The following KCNMB2 variants were observed in gnomAD, a reference collection of about 807,000 sequenced individuals.
The protein encoded by KCNMB2 is potassium calcium-activated channel subfamily M regulatory beta subunit 2.
In KCNMB2, 9 loss-of-function variants were observed where a neutral mutation model predicts 24.5. The observed-to-expected ratio is 0.37, with a 90% confidence interval of 0.22 to 0.64. The LOEUF is 0.64. Ranked by LOEUF, KCNMB2 falls within the 30% of genes least tolerant of loss-of-function variation. The pLI, the probability that KCNMB2 is intolerant of heterozygous loss-of-function variation, is 0.63. For synonymous variants in KCNMB2, 109 were observed against 104.4 expected, an observed-to-expected ratio of 1.04 and a Z score of -0.27; for missense variants, 226 against 284.3, an observed-to-expected ratio of 0.79 and a Z score of 1.47.
intron 1 of KCNMB2, chr3:178,558,950 C>G (rs1292527113): frequency 1.3e-5 from 2 of 152,224 alleles, no homozygotes; most frequent in Admixed American, 1.3e-4. Context: ...AGCAACAAAG[C>G]GGCGAGTGGT....
At chr3:178,604,872 C>T (rs939656075) in intron 1 of KCNMB2, among the ~76,000 whole-genome samples, 6 of 152,186 alleles carry the variant, frequency 3.9e-5, no homozygotes, top group African/African-American at 1.2e-4. Context: ...ATTAGGCAAT[C>T]TGTAAGTTCC....
chr3:178,805,472 A>G (rs1455140832), intron 1 of KCNMB2, among the ~76,000 whole-genome samples: 1 of 152,136 alleles, frequency 6.6e-6, no homozygotes, highest in Non-Finnish European at 1.5e-5. Flanking sequence ...AGGGCCTATA[A>G]CCAATCACTT....
intron 1 of KCNMB2, among the ~76,000 whole-genome samples, chr3:178,608,058 G>T (rs1221466125): frequency 6.6e-6 from 1 of 152,132 alleles, no homozygotes; most frequent in Non-Finnish European, 1.5e-5. Flanking sequence ...ATACATGAGA[G>T]GAAGTAAAAT....
chr3:178,712,259 G>A (rs533653100), intron 1 of KCNMB2, among the ~76,000 whole-genome samples: 1 of 152,268 alleles, frequency 6.6e-6, no homozygotes, highest in South Asian at 2.1e-4. Context: ...TAGATGTTGT[G>A]TATAATGGGA....
intron 1 of KCNMB2, among the ~76,000 whole-genome samples, chr3:178,554,868 ACATG>A (rs1436383939): frequency 2.0e-5 from 3 of 152,348 alleles, no homozygotes; most frequent in Admixed American, 1.3e-4. Flanking sequence ...TTTTGTAAGG[ACATG>A]GGTCTCTGCT....
chr3:178,799,623 A>G (rs1173345562), intron 1 of KCNMB2, among the ~76,000 whole-genome samples: 1 of 152,184 alleles, frequency 6.6e-6, no homozygotes, highest in Admixed American at 6.5e-5. Context: ...TACAGATTCA[A>G]TGCAATCCCT....
chr3:178,636,278 A>C (rs1015073869), intron 1 of KCNMB2, among the ~76,000 whole-genome samples: 2 of 152,220 alleles, frequency 1.3e-5, no homozygotes, highest in Non-Finnish European at 2.9e-5. Context: ...GAGGGATAAA[A>C]GAATACAAAT....
intron 1 of KCNMB2, among the ~76,000 whole-genome samples, chr3:178,721,075 C>T (rs1323170863): frequency 6.6e-6 from 1 of 152,068 alleles, no homozygotes; most frequent in Non-Finnish European, 1.5e-5. Context: ...ATGGTAATGC[C>T]TAGGTTTTCT....
intron 1 of KCNMB2, among the ~76,000 whole-genome samples, chr3:178,760,092 CTA>C (rs561146836): frequency 0.046 from 541 of 11,744 alleles, 83 homozygotes; most frequent in East Asian, 0.075. Context: ...GAGGATATAT[CTA>C]TATATATATA....
chr3:178,684,492 G>A (rs1167691026), intron 1 of KCNMB2, among the ~76,000 whole-genome samples: 10 of 151,958 alleles, frequency 6.6e-5, no homozygotes, highest in Non-Finnish European at 1.2e-4. Flanking sequence ...AGCTGCATTT[G>A]CCACAAAAAC....
At chr3:178,556,648 A>G (rs1716134795) in intron 1 of KCNMB2, among the ~76,000 whole-genome samples, 1 of 152,002 alleles carries the variant, frequency 6.6e-6, no homozygotes, top group Non-Finnish European at 1.5e-5. Context: ...CTCGTGATCC[A>G]CCCACCTCGG....
At chr3:178,636,541 T>C (rs1406714949) in intron 1 of KCNMB2, among the ~76,000 whole-genome samples, 1 of 152,252 alleles carries the variant, frequency 6.6e-6, no homozygotes, top group African/African-American at 2.4e-5. Context: ...GTGATATCAC[T>C]GTGCATTGGG....
At chr3:178,563,191 T>C (rs1345050114) in intron 1 of KCNMB2, among the ~76,000 whole-genome samples, 1 of 152,226 alleles carries the variant, frequency 6.6e-6, no homozygotes, top group Non-Finnish European at 1.5e-5. Flanking sequence ...AGATGAGGTA[T>C]TACAGATATT....
At chr3:178,698,610 T>C (rs1456735166) in intron 1 of KCNMB2, among the ~76,000 whole-genome samples, 3 of 152,244 alleles carry the variant, frequency 2.0e-5, no homozygotes, top group Non-Finnish European at 4.4e-5. Flanking sequence ...CGAATTCTAT[T>C]TTCTGTCATT....
chr3:178,668,727 G>A (rs116127681), intron 1 of KCNMB2, among the ~76,000 whole-genome samples: 52 of 152,252 alleles, frequency 3.4e-4, no homozygotes, highest in African/African-American at 1.3e-3. Flanking sequence ...AGGTCCAAAT[G>A]TAATTCCATT....
intron 1 of KCNMB2, among the ~76,000 whole-genome samples, chr3:178,650,499 T>C (rs1720072488): frequency 6.6e-6 from 1 of 152,116 alleles, no homozygotes; most frequent in Non-Finnish European, 1.5e-5. Context: ...GTCTAAGATC[T>C]TGCTTTATGA....
chr3:178,603,046 C>T (rs554961125), intron 1 of KCNMB2, among the ~76,000 whole-genome samples: 97 of 152,164 alleles, frequency 6.4e-4, no homozygotes, highest in African/African-American at 2.2e-3. Context: ...GGACTGTGAT[C>T]AAGGTGTAGA....
intron 1 of KCNMB2, among the ~76,000 whole-genome samples, chr3:178,677,861 G>A (rs1721121378): frequency 6.6e-6 from 1 of 152,188 alleles, no homozygotes; most frequent in Non-Finnish European, 1.5e-5. Context: ...GAGGAGCTAT[G>A]AATATTCAGG....
intron 1 of KCNMB2, among the ~76,000 whole-genome samples, chr3:178,685,374 T>C (rs1336714370): frequency 2.0e-5 from 3 of 152,252 alleles, no homozygotes; most frequent in African/African-American, 7.2e-5. Context: ...TGCCTTTTGA[T>C]AGCATCTTTG....
Sources: gnomAD v4.1 joint callset for allele counts (sites outside exome capture counted in the v4.1 genomes callset) on GRCh38, gnomAD v4.1.1 for gene constraint, MANE v1.5 for transcripts, NCBI Gene and HGNC (gene_info 2026-07-23, HGNC 2026-07-21) for gene names.